The following RABGAP1L variants were observed in gnomAD, a reference collection of about 807,000 sequenced individuals.
RABGAP1L encodes rab GTPase-activating protein 1-like.
Under a neutral mutation model 137.7 loss-of-function variants are expected in RABGAP1L, and 63 were observed. The observed-to-expected ratio is 0.46, with a 90% CI of 0.37 to 0.56. The LOEUF (loss-of-function observed/expected upper bound fraction) is 0.56, where lower values mean the gene tolerates loss of function less well. RABGAP1L is among the 20% of genes least tolerant of loss of function. The pLI is 0.00. For missense variants in RABGAP1L, 1,095 were observed against 1,244.0 expected (o/e 0.88, Z 1.80); for synonymous variants, 431 against 433.7 (o/e 0.99, Z 0.08).
chr1:174,287,329 C>T (rs1179892999), intron 10 of RABGAP1L, among the ~76,000 whole-genome samples: 3 of 152,102 alleles, frequency 2.0e-5, no homozygotes, highest in South Asian at 2.1e-4. Flanking sequence ...TCTACTTTGT[C>T]TGATATAAAT....
intron 15 of RABGAP1L, among the ~76,000 whole-genome samples, chr1:174,689,347 CAT>C (rs888291661): frequency 1.3e-5 from 2 of 151,346 alleles, no homozygotes; most frequent in Non-Finnish European, 2.9e-5. Context: ...ATATTTATAA[CAT>C]ATATATATGT....
intron 11 of RABGAP1L, among the ~76,000 whole-genome samples, chr1:174,369,848 T>TAAATAATA (rs1684958084): frequency 1.3e-5 from 2 of 152,200 alleles, no homozygotes; most frequent in South Asian, 4.1e-4. Flanking sequence ...CCCTTATAAT[T>TAAATAATA]CTTATTTACC....
chr1:174,350,149 C>T (rs1286426209), intron 11 of RABGAP1L, among the ~76,000 whole-genome samples: 2 of 142,724 alleles, frequency 1.4e-5, no homozygotes, highest in Non-Finnish European at 1.6e-5. Flanking sequence ...TGACCCCCCA[C>T]CTCCCTCCCG....
intron 1 of RABGAP1L, among the ~76,000 whole-genome samples, chr1:174,217,789 A>G (rs1032743072): frequency 2.0e-5 from 3 of 152,126 alleles, no homozygotes; most frequent in African/African-American, 7.2e-5. Flanking sequence ...TATTCTTGAA[A>G]TTTTTGATTT....
At chr1:174,327,740 G>T (rs1454831645) in intron 11 of RABGAP1L, among the ~76,000 whole-genome samples, 3 of 151,464 alleles carry the variant, frequency 2.0e-5, no homozygotes, top group Non-Finnish European at 2.9e-5. Flanking sequence ...ACTATATGCT[G>T]CCCCCAAGAG....
chr1:174,255,321 T>C (rs1195990616), intron 7 of RABGAP1L, among the ~76,000 whole-genome samples: 1 of 152,254 alleles, frequency 6.6e-6, no homozygotes, highest in African/African-American at 2.4e-5. Flanking sequence ...AGGAACCTTT[T>C]AGTTTTTAGG....
chr1:174,278,803 T>C (rs1675234755), intron 10 of RABGAP1L, 24 bp downstream of exon 10: 1 of 1,418,522 alleles, frequency 7.0e-7, no homozygotes, highest in Non-Finnish European at 9.3e-7. Context: ...GTTCTCTTCA[T>C]ATATAGTAAC....
chr1:174,822,688 A>G (rs964031456), intron 19 of RABGAP1L, among the ~76,000 whole-genome samples: 4 of 152,196 alleles, frequency 2.6e-5, no homozygotes, highest in African/African-American at 9.6e-5. Flanking sequence ...TGAAAATCTA[A>G]TGCTACTGCT....
intron 19 of RABGAP1L, among the ~76,000 whole-genome samples, chr1:174,823,486 A>G (rs1188974849): frequency 6.6e-6 from 1 of 152,172 alleles, no homozygotes; most frequent in Non-Finnish European, 1.5e-5. Flanking sequence ...GTATTTGGGG[A>G]TCCGATTTAC....
chr1:174,954,220 C>T (rs912118676), intron 19 of RABGAP1L: 26 of 152,314 alleles, frequency 1.7e-4, no homozygotes, highest in African/African-American at 6.0e-4. Context: ...CTTTTCCCCT[C>T]TTTCACATTG....
intron 14 of RABGAP1L, among the ~76,000 whole-genome samples, chr1:174,652,339 C>T (rs1355261270): frequency 6.6e-6 from 1 of 152,008 alleles, no homozygotes; most frequent in Non-Finnish European, 1.5e-5. Context: ...GTTTTGTTCC[C>T]TTGCTGGCAA....
chr1:174,562,897 T>C (rs1262531631), intron 13 of RABGAP1L, among the ~76,000 whole-genome samples: 2 of 152,086 alleles, frequency 1.3e-5, no homozygotes, highest in Non-Finnish European at 2.9e-5. Flanking sequence ...GAGAAATACC[T>C]AATGTAGATG....
chr1:174,809,311 T>C (rs1206432375), intron 18 of RABGAP1L, among the ~76,000 whole-genome samples: 4 of 152,136 alleles, frequency 2.6e-5, no homozygotes, highest in African/African-American at 4.8e-5. Context: ...AGACTTAACC[T>C]GAGTTAGGCT....
At chr1:174,776,772 T>G (rs773650337) in intron 18 of RABGAP1L, among the ~76,000 whole-genome samples, 1 of 152,212 alleles carries the variant, frequency 6.6e-6, no homozygotes, top group Non-Finnish European at 1.5e-5. Context: ...TACCATTAAT[T>G]TGATCTTTGC....
At chr1:174,721,687 T>C (rs1265513920) in intron 17 of RABGAP1L, among the ~76,000 whole-genome samples, 1 of 152,186 alleles carries the variant, frequency 6.6e-6, no homozygotes, top group Non-Finnish European at 1.5e-5. Flanking sequence ...AGTTAGCAGT[T>C]ACCAAATAGG....
At chr1:174,373,351 A>G (rs575368107) in intron 12 of RABGAP1L, among the ~76,000 whole-genome samples, 1 of 152,344 alleles carries the variant, frequency 6.6e-6, no homozygotes, top group Non-Finnish European at 1.5e-5. Context: ...GAAGGTTGAG[A>G]GAGCAGAAAG....
At chr1:174,188,895 T>G (rs988965001) in intron 1 of RABGAP1L, among the ~76,000 whole-genome samples, 9 of 152,242 alleles carry the variant, frequency 5.9e-5, no homozygotes, top group Non-Finnish European at 4.4e-5. Flanking sequence ...GAACATTGGC[T>G]ACAACTTAAA....
chr1:174,962,197 C>CT (rs1231220065), intron 20 of RABGAP1L, among the ~76,000 whole-genome samples: 1 of 45,284 alleles, frequency 2.2e-5, no homozygotes, highest in Non-Finnish European at 4.3e-5. Context: ...TAAAAATACA[C>CT]CCCCCCCCCA....
chr1:174,883,560 T>G (rs879423951), intron 19 of RABGAP1L, among the ~76,000 whole-genome samples: 14 of 152,212 alleles, frequency 9.2e-5, no homozygotes, highest in Admixed American at 9.2e-4. Context: ...GTGCTGAAGA[T>G]CTTAGGTTTG....
Sources: gnomAD v4.1 joint callset for allele counts (sites outside exome capture counted in the v4.1 genomes callset) on GRCh38, gnomAD v4.1.1 for gene constraint, MANE v1.5 for transcripts, NCBI Gene and HGNC (gene_info 2026-07-23, HGNC 2026-07-21) for gene names.